Variants in JAG1 observed in about 807,000 individuals in gnomAD.
JAG1 encodes jagged canonical Notch ligand 1, also known as protein jagged-1.
A neutral mutation model predicts 148.7 loss-of-function variants in JAG1; 23 were observed. The observed-to-expected ratio is 0.15, with a 90% CI of 0.11 to 0.22. The LOEUF is 0.22. Among genes scored for constraint, JAG1 ranks in the 10% least tolerant of loss-of-function variants. The pLI is 1.00. For synonymous variants in JAG1, 572 were observed against 598.3 expected (o/e 0.96, Z 0.64); for missense variants, 1,054 against 1,611.2 (o/e 0.65, Z 5.92).
At chr20:10,651,459 G>A (rs1004415233) in intron 8 of JAG1, 122 bp downstream of exon 8, 17 of 669,900 alleles carry the variant, frequency 2.5e-5, no homozygotes, top group Non-Finnish European at 4.0e-5. Flanking sequence ...ACCAGACTTA[G>A]GCCTGCACCC....
intron 2 of JAG1, among the ~76,000 whole-genome samples, chr20:10,668,691 CTT>C (rs1288653464): frequency 6.7e-6 from 1 of 150,342 alleles, no homozygotes; most frequent in Non-Finnish European, 1.5e-5. Context: ...TTTTAAGTAA[CTT>C]TTTTCTCCAT....
At chr20:10,648,795 G>T in intron 11 of JAG1, 73 bp from the exon 12 acceptor site, 1 of 1,433,446 alleles carries the variant, frequency 7.0e-7, no homozygotes, top group Non-Finnish European at 9.8e-7. Context: ...GGCTTCAGCG[G>T]TTTAGCATGA....
Position 10,639,574 on chromosome 20 carries a change from G to T in JAG1, c.3581C>A (p.Pro1194Gln), listed in dbSNP as rs765275653. ...GTTGTCCTGTTTGTTTGTCCAGTTT[G>T]GGTGTTTTGTCGGCGTGCCGTTGGG... ...KPPNGTPTKH[P>Q]NWTNKQDNRD... The change falls in exon 26 of 26, where the codon CCA (proline) becomes CAA (glutamine). Residue 1194 changes from proline to glutamine, a missense_variant. This residue lies in a region of JAG1 where 177 missense variants were observed against 177.3 expected (regional missense o/e 1.00). Transcript: ENST00000254958. 6.2e-7 allele frequency: 1 copy of T among 1,614,206 alleles called. No homozygotes were observed. The highest frequency in any genetic ancestry group is 1.1e-5 in the South Asian group (1 of 91,086).
Position 10,673,086 on chromosome 20 carries a change from T to A in JAG1, c.82-80A>T. The A allele has an allele frequency of 7.5e-7, 1 of 1,330,984 alleles. No homozygotes were observed. The highest frequency in any genetic ancestry group is 1.9e-5 in the Admixed American group (1 of 53,466). The allele number at this position is 1,330,984 out of a possible 1,614,324, so 82.4% of individuals were successfully genotyped here. A position where few individuals can be genotyped will look rare whatever the true frequency, so the allele number is the denominator to read the frequency against. On this transcript the variant is annotated intron_variant, in intron 1 of 25. Coordinates refer to ENST00000254958, the MANE Select transcript of JAG1 (RefSeq NM_000214.3). The surrounding 1 kb of genome is among the most constrained non-coding windows in gnomAD (Gnocchi z 4.7). ...TATAGAGGTGGCGACTCCCTCCCACTCCCCGCCCCGACGAGCCCTCCTCGC... is the reference window on the plus strand; with the variant it reads ...TATAGAGGTGGCGACTCCCTCCCACACCCCGCCCCGACGAGCCCTCCTCGC...
chr20:10,649,026 T>C, intron 11 of JAG1, 35 bp downstream of exon 11: 3 of 1,541,242 alleles, frequency 1.9e-6, no homozygotes, highest in South Asian at 1.1e-5. Flanking sequence ...TGTTGTCAAT[T>C]GTCAAAGTTT....
chr20:10,652,497 G>A lies in JAG1; in HGVS notation c.857C>T (p.Thr286Ile). The change falls in exon 6 of 26, where the codon ACC (threonine) becomes ATC (isoleucine). Residue 286 changes from threonine (T) to isoleucine (I), a missense_variant. Around this residue, in one of 6 missense-constraint regions of JAG1, gnomAD observed 104 missense variants for 235.2 expected, o/e 0.44. Transcript: ENST00000254958. ...CNEPWQCLCE[T>I]NWGGQLCDKD... The stretch of plus-strand genomic sequence containing the variant: ...GTCACAGAGCTGGCCGCCCCAGTTG[G>A]TCTCACAGAGGCACTGCCAGGGCTC... 1 of 1,614,164 alleles carries A rather than the reference G, an allele frequency of 6.2e-7. No individual in the cohort carries two copies. Among genetic ancestry groups the A allele is most frequent in the Non-Finnish European group, 8.5e-7 (1 of 1,180,014 alleles).
intron 23 of JAG1, 91 bp from the exon 24 acceptor site, chr20:10,641,335 G>A (rs932424308): frequency 6.4e-7 from 1 of 1,564,784 alleles, no homozygotes; most frequent in South Asian, 1.1e-5. Flanking sequence ...CTAAGTTCAA[G>A]CTTACTTTAT....
chr20:10,649,477 C>G, intron 10 of JAG1, 45 bp downstream of exon 10: 5 of 1,257,468 alleles, frequency 4.0e-6, no homozygotes, highest in Non-Finnish European at 5.8e-6. Context: ...AGCAAGTCGG[C>G]TACCCAAGTT....
In JAG1 at chr20:10,673,065, G is replaced by C; in HGVS notation, c.82-59C>G. 6.5e-7 allele frequency: 1 copy of C among 1,535,438 alleles called. No homozygotes were observed. The highest frequency in any genetic ancestry group is 8.9e-7 in the Non-Finnish European group (1 of 1,124,934). ...GAGAAAGCTGTTTTCTTCGAGTATA[G>C]AGGTGGCGACTCCCTCCCACTCCCC... On this transcript the variant is annotated intron_variant, in intron 1 of 25. Transcript: ENST00000254958. The surrounding 1 kb of genome is among the most constrained non-coding windows in gnomAD (Gnocchi z 4.7).
Position 10,640,894 on chromosome 20 carries a change from C to T in JAG1, c.3088G>A (p.Glu1030Lys), listed in dbSNP as rs1275874823. The change falls in exon 25 of 26, where the codon GAA (glutamate) becomes AAA (lysine). Residue 1030 changes from glutamate to lysine, a missense_variant. Physicochemically the swap from Glu to Lys is moderately conservative, Grantham distance 56. This residue lies in a region of JAG1 where 342 missense variants were observed against 514.6 expected (regional missense o/e 0.66). Coordinates refer to ENST00000254958, the MANE Select transcript of JAG1 (RefSeq NM_000214.3). ...DIRDDGNPIK[E>K]ITDKIIDLVS... ...AGATCGATTATTTTGTCAGTGATTT[C>T]CTTGATCGGGTTCCCATCATCCCGT... 1 of 1,613,992 alleles carries T rather than the reference C, an allele frequency of 6.2e-7. No homozygotes were observed. Among genetic ancestry groups the T allele is most frequent in the East Asian group, 2.2e-5 (1 of 44,882 alleles).
chr20:10,646,191 C>T (rs1430378056), intron 14 of JAG1, 107 bp from the exon 15 acceptor site: 2 of 763,172 alleles, frequency 2.6e-6, no homozygotes, highest in Non-Finnish European at 2.3e-6. Context: ...GCACCTGGCA[C>T]CTCCACCTGC....
chr20:10,661,579 G>C (rs192085306), intron 3 of JAG1, among the ~76,000 whole-genome samples: 1 of 152,336 alleles, frequency 6.6e-6, no homozygotes, highest in Admixed American at 6.5e-5. Context: ...GGCTGGCAGG[G>C]AGACAAAGCT....
intron 2 of JAG1, among the ~76,000 whole-genome samples, chr20:10,664,377 C>G (rs1228314972): frequency 8.0e-6 from 1 of 124,798 alleles, no homozygotes; most frequent in Non-Finnish European, 1.5e-5. Flanking sequence ...TGAGGAAACA[C>G]ACACACACAC....
intron 25 of JAG1, 21 bp downstream of exon 25, chr20:10,640,762 C>T: frequency 6.2e-7 from 1 of 1,613,120 alleles, no homozygotes; most frequent in Non-Finnish European, 8.5e-7. Context: ...ATCACACAAA[C>T]TAGTCCCACT....
In JAG1 at chr20:10,673,338, A is replaced by T. The variant is rs1298058036; in HGVS notation, c.81+112T>A. ...GTGCAGCCGCTCGGGCGCAGGGGCG[A>T]GGAGTCGGGCGCTCGAGGGCTGCCG... is the stretch of plus-strand genomic sequence containing the variant. On this transcript the variant is annotated intron_variant, in intron 1 of 25. Coordinates refer to ENST00000254958, the MANE Select transcript of JAG1 (RefSeq NM_000214.3). This position sits in a 1 kb window ranked among gnomAD's most constrained non-coding sequence, Gnocchi z 4.7. 5.5e-5 allele frequency: 45 copies of T among 816,810 alleles called. No homozygotes were observed. Among genetic ancestry groups the T allele is most frequent in the Non-Finnish European group, 1.9e-5 (10 of 530,006 alleles). 50.6% of individuals were successfully genotyped at this position (816,810 alleles called of 1,614,324 possible). A position where few individuals can be genotyped will look rare whatever the true frequency, so the allele number is the denominator to read the frequency against.
At chr20:10,642,891 T>G (rs546217507) in intron 20 of JAG1, among the ~76,000 whole-genome samples, 3 of 152,358 alleles carry the variant, frequency 2.0e-5, no homozygotes, top group Middle Eastern at 6.8e-3. Flanking sequence ...TGGCAAAGTT[T>G]CCTGGAAGGG....
chr20:10,657,325 G>A (rs1252929511), intron 4 of JAG1, among the ~76,000 whole-genome samples: 11 of 148,846 alleles, frequency 7.4e-5, no homozygotes, highest in Non-Finnish European at 1.3e-4. Flanking sequence ...GTGCCATCAT[G>A]GGTGACAAAG....
rs555794483 is a variant in JAG1, at chr20:10,658,688, C to T, written c.474G>A (p.Ser158=). The T allele has an allele frequency of 1.7e-5, 28 of 1,614,192 alleles. No homozygotes were observed. The highest frequency in any genetic ancestry group is 4.0e-5 in the African/African-American group (3 of 75,046). Reference sequence around the variant, plus strand: ...ACTGCCGGCTGGGGTTGATCATGCCCGAGTGAGAAGCCTTTTCAATAATAC... The same window carrying T: ...ACTGCCGGCTGGGGTTGATCATGCCTGAGTGAGAAGCCTTTTCAATAATAC... ...PDSIIEKASH[S]GMINPSRQWQ... The change falls in exon 4 of 26, where the codon TCG becomes TCA. Residue 158 remains serine, a synonymous_variant. Coordinates refer to ENST00000254958, the MANE Select transcript of JAG1 (RefSeq NM_000214.3).
Position 10,645,548 on chromosome 20 carries a change from C to G in JAG1, c.2000-79G>C. 9.4e-7 allele frequency: 1 copy of G among 1,061,692 alleles called. No individual in the cohort carries two copies. Among genetic ancestry groups the G allele is most frequent in the South Asian group, 1.3e-5 (1 of 79,752 alleles). The allele number at this position is 1,061,692 out of a possible 1,614,324, so 65.8% of individuals were successfully genotyped here. A position where few individuals can be genotyped will look rare whatever the true frequency, so the allele number is the denominator to read the frequency against. On this transcript the variant is annotated intron_variant, in intron 15 of 25. Coordinates refer to ENST00000254958, the MANE Select transcript of JAG1 (RefSeq NM_000214.3). The surrounding 1 kb of genome is among the most constrained non-coding windows in gnomAD (Gnocchi z 6.1). The stretch of plus-strand genomic sequence containing the variant: ...ACAGGCGAGAGCCAAGCCTTTCCTA[C>G]TGCTTACATCCAACATCCTATTCTG...
Sources: allele counts gnomAD v4.1 joint callset (sites outside exome capture counted in the v4.1 genomes callset), GRCh38; gene constraint gnomAD v4.1.1; regional missense constraint gnomAD v4.1.1; non-coding constraint Gnocchi (gnomAD v3.1); transcripts MANE v1.5; gene names NCBI Gene and HGNC (gene_info 2026-07-23, HGNC 2026-07-21).